Variants in MYF6 observed in about 807,000 individuals in gnomAD.
MYF6 encodes class C basic helix-loop-helix protein 4.
Under a neutral mutation model 21.7 loss-of-function variants are expected in MYF6, and 20 were observed. The observed-to-expected ratio is 0.92, with a 90% CI of 0.65 to 1.34. The LOEUF is 1.34. MYF6 is among the 40% of genes most tolerant of loss of function. The probability of loss-of-function intolerance (pLI) is 0.00; values close to 1 mark genes in which losing one functional copy is unlikely to be tolerated. For synonymous variants in MYF6, 124 were observed against 124.7 expected, an observed-to-expected ratio of 0.99 and a Z score of 0.04; for missense variants, 320 against 304.1, an observed-to-expected ratio of 1.05 and a Z score of -0.39.
In MYF6 at chr12:80,709,261, C is replaced by A; in HGVS notation, c.*301C>A. 4 of 308,228 alleles carry A rather than the reference C, an allele frequency of 1.3e-5. No homozygotes were observed. The South Asian group carries it at 1.7e-4, about 13-fold the overall frequency. The allele number at this position is 308,228 out of a possible 1,614,324, so 19.1% of individuals were successfully genotyped here. ...TTTTATACTATATTAACTTTTATTACGGTGATCCTTTTGTGCCATGTTCAA... is the reference window on the plus strand; with the variant it reads ...TTTTATACTATATTAACTTTTATTAAGGTGATCCTTTTGTGCCATGTTCAA... On this transcript the variant is annotated 3_prime_UTR_variant, in exon 3 of 3. Transcript: ENST00000228641.
Position 80,708,199 on chromosome 12 carries a change from G to A in MYF6, c.480G>A (p.Leu160=). The change falls in exon 1 of 3, where the codon CTG becomes CTA. Residue 160 remains leucine (L), a synonymous_variant. Coordinates refer to ENST00000228641, the MANE Select transcript of MYF6 (RefSeq NM_002469.3). Reference sequence around the variant, plus strand: ...ATCAGCAGGAGAAGATGCAGGAGCTGGGGGTGGACCCCTTCAGCTACAGAC... The same window carrying A: ...ATCAGCAGGAGAAGATGCAGGAGCTAGGGGTGGACCCCTTCAGCTACAGAC... ...RLDQQEKMQE[L]GVDPFSYRPK... is the part of the protein sequence containing the mutation. The A allele has an allele frequency of 2.5e-6, 4 of 1,613,342 alleles. No homozygotes were observed. Among genetic ancestry groups the A allele is most frequent in the Non-Finnish European group, 3.4e-6 (4 of 1,179,714 alleles).
intron 1 of MYF6, 60 bp downstream of exon 1, chr12:80,708,298 G>T (rs1031647346): frequency 6.4e-7 from 1 of 1,571,056 alleles, no homozygotes; most frequent in African/African-American, 1.4e-5. Flanking sequence ...CCTTCCGCGG[G>T]GCCTTAACCT....
In MYF6 at chr12:80,708,143, G is replaced by T. The variant is rs1249981454; in HGVS notation, c.424G>T (p.Glu142Ter). The change falls in exon 1 of 3, where the codon GAG becomes TAG. Residue 142 changes from glutamate (E) to a stop codon, truncating the protein, a stop_gained. Transcript: ENST00000228641. LOFTEE classifies it high-confidence loss of function. ...EILRSAISYI[E>*]RLQDLLHRLD... ...TCTGCGGAGCGCCATCAGCTATATT[G>T]AGCGGCTGCAGGACCTGCTGCACCG... 1 of 1,614,038 alleles carries T rather than the reference G, an allele frequency of 6.2e-7. No individual in the cohort carries two copies. The highest frequency in any genetic ancestry group is 2.2e-5 in the East Asian group (1 of 44,880).
rs1366407892 is a variant in MYF6, at chr12:80,708,462, C to G, written c.520-62C>G. ...GAAGCAGGAAAGCCGCCCCCCACCCCACCCCAACCCCGGAACCGATGTTTC... is the reference window on the plus strand; with the variant it reads ...GAAGCAGGAAAGCCGCCCCCCACCCGACCCCAACCCCGGAACCGATGTTTC... On this transcript the variant is annotated intron_variant, in intron 1 of 2. Transcript: ENST00000228641. 3.9e-6 allele frequency: 5 copies of G among 1,290,714 alleles called. No individual in the cohort carries two copies. In the East Asian group the frequency reaches 6.9e-5, roughly 18 times the overall value. The allele number at this position is 1,290,714 out of a possible 1,614,324, so 80.0% of individuals were successfully genotyped here.
chr12:80,708,744 AG>A, intron 2 of MYF6, 97 bp from the exon 3 acceptor site: 1 of 1,515,454 alleles, frequency 6.6e-7, no homozygotes, highest in South Asian at 1.1e-5. Flanking sequence ...CGCCGGGACC[AG>A]GCCTTTCCTC....
chr12:80,708,033 G>C lies in MYF6; in HGVS notation c.314G>C (p.Arg105Thr), dbSNP rs1868393400. ...RKAATLRERR[R>T]LKKINEAFEA... Reference sequence around the variant, plus strand: ...GCCGCCACCCTGCGCGAAAGGAGGAGGCTAAAGAAAATCAACGAGGCCTTC... The same window carrying C: ...GCCGCCACCCTGCGCGAAAGGAGGACGCTAAAGAAAATCAACGAGGCCTTC... The change falls in exon 1 of 3, where the codon AGG becomes ACG. Residue 105 changes from arginine (R) to threonine (T), a missense_variant. Arg to Thr is a moderately conservative substitution (Grantham distance 71). Transcript: ENST00000228641. 6.2e-7 allele frequency: 1 copy of C among 1,614,040 alleles called. No individual in the cohort carries two copies. The highest frequency in any genetic ancestry group is 8.5e-7 in the Non-Finnish European group (1 of 1,180,044).
rs779104847 is a variant in MYF6, at chr12:80,708,361, C to T, written c.519+123C>T. ...CCCTTTCTCGCCCGCCCCTCCCGCT[C>T]CGTCTCTAATGAACCCCCAGTGACC... On this transcript the variant is annotated intron_variant, in intron 1 of 2. Coordinates refer to ENST00000228641, the MANE Select transcript of MYF6 (RefSeq NM_002469.3). The T allele has an allele frequency of 4.8e-4, 693 of 1,439,482 alleles. 1 individual carries two copies. The highest frequency in any genetic ancestry group is 1.4e-3 in the Middle Eastern group (6 of 4,162). 89.2% of individuals were successfully genotyped at this position (1,439,482 alleles called of 1,614,324 possible).
Sources: gnomAD v4.1 joint callset for allele counts on GRCh38, gnomAD v4.1.1 for gene constraint, MANE v1.5 for transcripts, NCBI Gene and HGNC (gene_info 2026-07-23, HGNC 2026-07-21) for gene names.